PRKG2: variants seen among roughly 807,000 people sequenced by gnomAD.
The protein encoded by PRKG2 is protein kinase cGMP-dependent 2.
A neutral mutation model predicts 97.2 loss-of-function variants in PRKG2; 33 were observed. The observed-to-expected ratio is 0.34, with a 90% CI of 0.26 to 0.45. The LOEUF is 0.45. Among genes scored for constraint, PRKG2 ranks in the 20% least tolerant of loss-of-function variants. PRKG2 has a pLI of 1.00. For missense variants in PRKG2, 638 were observed against 900.0 expected (o/e 0.71, Z 3.73); for synonymous variants, 330 against 321.8 (o/e 1.03, Z -0.27).
At chr4:81,153,989 T>A in intron 6 of PRKG2, 1 of 263,158 alleles carries the variant, frequency 3.8e-6, no homozygotes. Context: ...CCTTTCCTAG[T>A]CAAAGAAAGG....
intron 14 of PRKG2, among the ~76,000 whole-genome samples, chr4:81,113,288 C>T (rs1744164100): frequency 6.6e-6 from 1 of 151,766 alleles, no homozygotes; most frequent in South Asian, 2.1e-4. Context: ...AGGGATCAAT[C>T]TAGGAGACAA....
chr4:81,129,428 T>C (rs1246667418), intron 14 of PRKG2, among the ~76,000 whole-genome samples: 1 of 152,154 alleles, frequency 6.6e-6, no homozygotes, highest in Non-Finnish European at 1.5e-5. Context: ...ATGTTGACAG[T>C]GGAGTGTTAA....
At chr4:81,199,144 T>A (rs1159417525) in intron 2 of PRKG2, among the ~76,000 whole-genome samples, 1 of 152,136 alleles carries the variant, frequency 6.6e-6, no homozygotes, top group Admixed American at 6.5e-5. Context: ...TAATTATCTA[T>A]GTAAAATCTA....
chr4:81,207,431 T>C (rs990339704), intron 1 of PRKG2, among the ~76,000 whole-genome samples: 3 of 152,210 alleles, frequency 2.0e-5, no homozygotes, highest in Non-Finnish European at 4.4e-5. Context: ...TTTTTGTTCA[T>C]GGAAAAATTG....
At chr4:81,192,098 T>C (rs550877784) in intron 2 of PRKG2, 1 of 152,314 alleles carries the variant, frequency 6.6e-6, no homozygotes, top group African/African-American at 2.4e-5. Context: ...AAATTGTATA[T>C]AGTCATACAG....
At chr4:81,117,699 G>A (rs11731129) in intron 14 of PRKG2, among the ~76,000 whole-genome samples, 31,399 of 152,020 alleles carry the variant, frequency 0.21, 4,032 homozygotes, top group East Asian at 0.46. Context: ...CTTTTTTAGA[G>A]CAATCAGTGA....
intron 11 of PRKG2, among the ~76,000 whole-genome samples, chr4:81,141,008 T>G (rs1232269519): frequency 6.6e-6 from 1 of 151,206 alleles, no homozygotes; most frequent in Non-Finnish European, 1.5e-5. Context: ...CAAAGCAAGA[T>G]TTATTATTAT....
intron 14 of PRKG2, among the ~76,000 whole-genome samples, chr4:81,119,458 C>T (rs1179028476): frequency 6.6e-6 from 1 of 152,106 alleles, no homozygotes; most frequent in East Asian, 1.9e-4. Flanking sequence ...TATTTTGTTC[C>T]ATTGATCTAT....
At chr4:81,100,870 GA>G (rs1436257448) in intron 17 of PRKG2, among the ~76,000 whole-genome samples, 3 of 152,020 alleles carry the variant, frequency 2.0e-5, no homozygotes, top group Non-Finnish European at 4.4e-5. Context: ...AAATTTACAA[GA>G]AAAAACAAAC....
intron 2 of PRKG2, among the ~76,000 whole-genome samples, chr4:81,195,478 C>T (rs1752903816): frequency 6.6e-6 from 1 of 152,092 alleles, no homozygotes; most frequent in Non-Finnish European, 1.5e-5. Flanking sequence ...TGTTTTACAA[C>T]CATCACCACC....
chr4:81,167,540 T>C lies in PRKG2; in HGVS notation c.849-316A>G, dbSNP rs139919011. Among the ~76,000 whole-genome samples the C allele has an allele frequency of 6.4e-3, 974 of 152,254 alleles. 4 individuals are homozygous for C. The highest frequency in any genetic ancestry group is 0.012 in the Non-Finnish European group (782 of 67,998). ...ATTTGTTGTTGGTTTTCACAGTGAA[T>C]CGCATTTGGAAGTTTGTTCCTCTCT... On this transcript the variant is annotated intron_variant, in intron 5 of 18. Coordinates refer to ENST00000264399, the MANE Select transcript of PRKG2 (RefSeq NM_006259.3).
At chr4:81,157,888 GC>G (rs1325574118) in intron 6 of PRKG2, among the ~76,000 whole-genome samples, 2 of 146,390 alleles carry the variant, frequency 1.4e-5, no homozygotes, top group Non-Finnish European at 2.9e-5. Context: ...AACGCTTCAC[GC>G]TAAAAACTCT....
chr4:81,195,547 C>A (rs565698543), intron 2 of PRKG2, among the ~76,000 whole-genome samples: 2 of 152,194 alleles, frequency 1.3e-5, no homozygotes, highest in African/African-American at 4.8e-5. Context: ...TTCCCTGGGT[C>A]TCCTCACCCC....
chr4:81,100,995 G>C (rs543563054), intron 17 of PRKG2, among the ~76,000 whole-genome samples: 2 of 152,084 alleles, frequency 1.3e-5, no homozygotes, highest in Non-Finnish European at 2.9e-5. Context: ...TCAGAGAAAT[G>C]CAAATCAAAG....
intron 6 of PRKG2, among the ~76,000 whole-genome samples, chr4:81,160,097 C>T (rs1457502292): frequency 6.6e-6 from 1 of 151,658 alleles, no homozygotes; most frequent in Non-Finnish European, 1.5e-5. Context: ...TACCCTAAAA[C>T]TTAAAGTATA....
At chr4:81,123,097 T>C (rs113681443) in intron 14 of PRKG2, among the ~76,000 whole-genome samples, 2 of 152,372 alleles carry the variant, frequency 1.3e-5, no homozygotes, top group Non-Finnish European at 2.9e-5. Context: ...ATTTGTGTTT[T>C]ATACATCTTC....
chr4:81,101,555 G>A lies in PRKG2; in HGVS notation c.2126+2815C>T, dbSNP rs1390904629. On this transcript the variant is annotated intron_variant, in intron 17 of 18. Coordinates refer to ENST00000264399, the MANE Select transcript of PRKG2 (RefSeq NM_006259.3). ...CCCAGGAATGGGAACATCACACACC[G>A]GGGCCTGTTGTGGGGTGGGGGGAGG... Among the ~76,000 whole-genome samples, 96 of 138,028 alleles carry A rather than the reference G, an allele frequency of 7.0e-4. 1 individual carries two copies. Among genetic ancestry groups the A allele is most frequent in the Non-Finnish European group, 1.0e-3 (65 of 64,040 alleles). 90.6% of individuals were successfully genotyped at this position (138,028 alleles called of 152,430 possible).
chr4:81,107,920 C>T (rs1010571657), intron 15 of PRKG2, among the ~76,000 whole-genome samples: 3 of 152,014 alleles, frequency 2.0e-5, no homozygotes, highest in Middle Eastern at 3.2e-3. Flanking sequence ...AAAACACTTT[C>T]GAGGCCGGGC....
intron 15 of PRKG2, among the ~76,000 whole-genome samples, chr4:81,110,235 A>G (rs1743759607): frequency 6.6e-6 from 1 of 152,200 alleles, no homozygotes; most frequent in South Asian, 2.1e-4. Flanking sequence ...CAGCAATTCT[A>G]TATTCCTTTC....
Sources: allele counts gnomAD v4.1 joint callset (sites outside exome capture counted in the v4.1 genomes callset), GRCh38; gene constraint gnomAD v4.1.1; transcripts MANE v1.5; gene names NCBI Gene and HGNC (gene_info 2026-07-23, HGNC 2026-07-21).